The following BCAS3 variants were observed in gnomAD, a reference collection of about 807,000 sequenced individuals.
The protein encoded by BCAS3 is BCAS3 microtubule associated cell migration factor.
A neutral mutation model predicts 116.1 loss-of-function variants in BCAS3; 53 were observed. That is an observed-to-expected ratio of 0.46 (90% confidence interval 0.37 to 0.57). The LOEUF (loss-of-function observed/expected upper bound fraction) is 0.57, where lower values mean the gene tolerates loss of function less well. Ranked by LOEUF, BCAS3 falls within the 20% of genes least tolerant of loss-of-function variation. The probability of loss-of-function intolerance (pLI) is 0.00; values close to 1 mark genes in which losing one functional copy is unlikely to be tolerated. For missense variants in BCAS3, 917 were observed against 1,165.4 expected, an observed-to-expected ratio of 0.79 and a Z score of 3.10; for synonymous variants, 391 against 408.2, an observed-to-expected ratio of 0.96 and a Z score of 0.51.
At chr17:61,291,059 C>T (rs941084333) in intron 22 of BCAS3, among the ~76,000 whole-genome samples, 4 of 152,016 alleles carry the variant, frequency 2.6e-5, no homozygotes, top group South Asian at 4.1e-4. Context: ...GGATTACAGA[C>T]GTGAGCCACC....
In BCAS3 at chr17:61,352,925, G is replaced by C. The variant is rs913309446; in HGVS notation, c.2426-15402G>C. Among the ~76,000 whole-genome samples the C allele has an allele frequency of 1.3e-5, 2 of 152,214 alleles. No homozygotes were observed. Among genetic ancestry groups the C allele is most frequent in the African/African-American group, 4.8e-5 (2 of 41,444 alleles). ...TGAATTTCTCTTGTTTGCTTTAATG[G>C]AGTGTTAACCCCCGTCGCTGGAACT... On this transcript the variant is annotated intron_variant, in intron 22 of 23. Transcript: ENST00000407086. This position sits in a 1 kb window ranked among gnomAD's most constrained non-coding sequence, Gnocchi z 4.7.
chr17:61,128,156 A>G lies in BCAS3; in HGVS notation c.2425+43592A>G. Reference sequence around the variant, plus strand: ...ATTCCTTGATACTGTAAACCTGACAACTCAATCTGGTTTTCTTTTAGGAAG... The same window carrying G: ...ATTCCTTGATACTGTAAACCTGACAGCTCAATCTGGTTTTCTTTTAGGAAG... On this transcript the variant is annotated intron_variant, in intron 22 of 23. Transcript: ENST00000407086. This position sits in a 1 kb window ranked among gnomAD's most constrained non-coding sequence, Gnocchi z 4.1. 1 of 983,744 alleles carries G rather than the reference A, an allele frequency of 1.0e-6. No homozygotes were observed. Among genetic ancestry groups the G allele is most frequent in the Non-Finnish European group, 1.2e-6 (1 of 828,392 alleles). 60.9% of individuals were successfully genotyped at this position (983,744 alleles called of 1,614,324 possible).
chr17:60,737,974 A>T (rs1156579887), intron 5 of BCAS3, among the ~76,000 whole-genome samples: 3 of 152,162 alleles, frequency 2.0e-5, no homozygotes, highest in African/African-American at 7.2e-5. Context: ...TTTAGTAGAG[A>T]TGGGGTTTCA....
At position 60,994,766 on chromosome 17, in the gene BCAS3, G is replaced by A. The variant is rs773230330; in HGVS notation, c.1486+4531G>A. 2.0e-5 allele frequency among the ~76,000 whole-genome samples: 3 copies of A among 151,952 alleles called. No homozygotes were observed. Among genetic ancestry groups the A allele is most frequent in the Non-Finnish European group, 4.4e-5 (3 of 67,990 alleles). Reference sequence around the variant, plus strand: ...TATTGCCTCTTTGAATGCCTACTAAGCAAGCTAAAATATTACTGCCTCTCT... The same window carrying A: ...TATTGCCTCTTTGAATGCCTACTAAACAAGCTAAAATATTACTGCCTCTCT... On this transcript the variant is annotated intron_variant, in intron 15 of 23. Coordinates refer to ENST00000407086, the MANE Select transcript of BCAS3 (RefSeq NM_017679.5). This position sits in a 1 kb window ranked among gnomAD's most constrained non-coding sequence, Gnocchi z 4.4.
rs757647271 is a variant in BCAS3 at position 61,049,705 on chromosome 17, TTTTTCTTTTC to T, written c.2029+8833_2029+8842del. On this transcript the variant is annotated intron_variant, in intron 19 of 23. Coordinates refer to ENST00000407086, the MANE Select transcript of BCAS3 (RefSeq NM_017679.5). Reference sequence around the variant, plus strand: ...ACACCAAGGAGCAAAGATAAGCAGATTTTTCTTTTCTTTTCTTTTCTTTTCTTTTTTTTTT... The same window carrying T: ...ACACCAAGGAGCAAAGATAAGCAGATTTTTCTTTTCTTTTCTTTTTTTTTT... 5.4e-3 allele frequency among the ~76,000 whole-genome samples: 802 copies of T among 148,960 alleles called. 9 individuals carry two copies. The highest frequency in any genetic ancestry group is 0.018 in the African/African-American group (727 of 39,880).
chr17:60,773,556 G>C (rs1448501962), intron 6 of BCAS3, among the ~76,000 whole-genome samples: 2 of 152,036 alleles, frequency 1.3e-5, no homozygotes, highest in African/African-American at 4.8e-5. Context: ...GCCTCACAAA[G>C]TACTGGGATT....
intron 6 of BCAS3, among the ~76,000 whole-genome samples, chr17:60,758,597 G>T (rs2043215092): frequency 1.3e-5 from 2 of 152,078 alleles, no homozygotes; most frequent in Non-Finnish European, 2.9e-5. Flanking sequence ...GGCCAGGCTG[G>T]TCTCAAACTC....
intron 8 of BCAS3, among the ~76,000 whole-genome samples, chr17:60,871,742 A>C (rs1451652813): frequency 6.6e-6 from 1 of 151,848 alleles, no homozygotes; most frequent in East Asian, 1.9e-4. Context: ...GTTTCACCCT[A>C]GGGGTAATTA....
chr17:60,712,462 C>CA (rs921584235), intron 5 of BCAS3, among the ~76,000 whole-genome samples: 24 of 151,938 alleles, frequency 1.6e-4, no homozygotes, highest in Admixed American at 1.4e-3. Flanking sequence ...GGTTTATATA[C>CA]ATATTATCTC....
At chr17:60,792,333 C>T (rs900633701) in intron 6 of BCAS3, among the ~76,000 whole-genome samples, 2 of 152,202 alleles carry the variant, frequency 1.3e-5, no homozygotes, top group Non-Finnish European at 2.9e-5. Context: ...CCTCGAGCTG[C>T]CCGCCCTGCC....
At chr17:60,975,911 T>C (rs1054467615) in intron 14 of BCAS3, among the ~76,000 whole-genome samples, 1 of 152,170 alleles carries the variant, frequency 6.6e-6, no homozygotes, top group Non-Finnish European at 1.5e-5. Flanking sequence ...TATTTCATTA[T>C]ATGGATATAT....
chr17:60,803,438 C>T (rs2047990406), intron 6 of BCAS3, among the ~76,000 whole-genome samples: 1 of 152,128 alleles, frequency 6.6e-6, no homozygotes, highest in Non-Finnish European at 1.5e-5. Context: ...GGTTTTTTCC[C>T]CCATGCACAA....
At chr17:60,886,390 A>T (rs2056639462) in intron 9 of BCAS3, 1 of 151,296 alleles carries the variant, frequency 6.6e-6, no homozygotes, top group Non-Finnish European at 1.5e-5. Flanking sequence ...TTTGGTTTGA[A>T]TGTCCTCCCG....
chr17:60,990,447 AAT>A lies in BCAS3; in HGVS notation c.1486+218_1486+219del, dbSNP rs1204308266. Among the ~76,000 whole-genome samples, 1 of 152,188 alleles carries A rather than the reference AAT, an allele frequency of 6.6e-6. No homozygotes were observed. Among genetic ancestry groups the A allele is most frequent in the African/African-American group, 2.4e-5 (1 of 41,450 alleles). On this transcript the variant is annotated intron_variant, in intron 15 of 23. Transcript: ENST00000407086. This position sits in a 1 kb window ranked among gnomAD's most constrained non-coding sequence, Gnocchi z 5.1. ...CCATGCTATTTTAACTCCCTGTTTCAATATATAAGGGATATTTGGTATCATAT... is the reference window on the plus strand; with the variant it reads ...CCATGCTATTTTAACTCCCTGTTTCAATATAAGGGATATTTGGTATCATAT...
intron 22 of BCAS3, among the ~76,000 whole-genome samples, chr17:61,322,983 C>T (rs1029570121): frequency 7.3e-5 from 11 of 151,632 alleles, no homozygotes; most frequent in African/African-American, 2.4e-4. Context: ...GAAAACAAGG[C>T]GCCTTCCTTT....
In BCAS3 at chr17:61,347,377, C is replaced by T. The variant is rs1044787945; in HGVS notation, c.2426-20950C>T. 6.6e-5 allele frequency among the ~76,000 whole-genome samples: 10 copies of T among 152,214 alleles called. No individual in the cohort carries two copies. Among genetic ancestry groups the T allele is most frequent in the East Asian group, 1.9e-4 (1 of 5,182 alleles). On this transcript the variant is annotated intron_variant, in intron 22 of 23. Transcript: ENST00000407086. This position sits in a 1 kb window ranked among gnomAD's most constrained non-coding sequence, Gnocchi z 4.3. ...GATTATAGGCATGAGCCACCGCACC[C>T]GGCCAGAATCACTCTTCAGATATTT...
intron 6 of BCAS3, among the ~76,000 whole-genome samples, chr17:60,773,786 C>T (rs2044990831): frequency 6.6e-6 from 1 of 152,018 alleles, no homozygotes; most frequent in Non-Finnish European, 1.5e-5. Context: ...TAGTTGGGAC[C>T]ACAGGCGCAC....
chr17:60,719,547 C>A (rs930830952), intron 5 of BCAS3, among the ~76,000 whole-genome samples: 1 of 152,138 alleles, frequency 6.6e-6, no homozygotes, highest in Admixed American at 6.6e-5. Context: ...TATTAACATT[C>A]ATTTTAGCAT....
At position 61,326,608 on chromosome 17, in the gene BCAS3, G is replaced by A. The variant is rs1040663125; in HGVS notation, c.2426-41719G>A. Reference sequence around the variant, plus strand: ...GGTAGATTCCACAGGGCTTTGTTACGGAGTGGACATGGGTGGGTGGAGAGG... The same window carrying A: ...GGTAGATTCCACAGGGCTTTGTTACAGAGTGGACATGGGTGGGTGGAGAGG... On this transcript the variant is annotated intron_variant, in intron 22 of 23. Coordinates refer to ENST00000407086, the MANE Select transcript of BCAS3 (RefSeq NM_017679.5). This position sits in a 1 kb window ranked among gnomAD's most constrained non-coding sequence, Gnocchi z 5.3. Among the ~76,000 whole-genome samples, 13 of 152,238 alleles carry A rather than the reference G, an allele frequency of 8.5e-5. No homozygotes were observed. The highest frequency in any genetic ancestry group is 1.2e-4 in the African/African-American group (5 of 41,556).
Sources: gnomAD v4.1 joint callset for allele counts (sites outside exome capture counted in the v4.1 genomes callset) on GRCh38, gnomAD v4.1.1 for gene constraint, Gnocchi (gnomAD v3.1) non-coding constraint, MANE v1.5 for transcripts, NCBI Gene and HGNC (gene_info 2026-07-23, HGNC 2026-07-21) for gene names.